The following STAT5B variants were observed in gnomAD, a reference collection of about 807,000 sequenced individuals.
STAT5B encodes the protein signal transducer and activator of transcription 5B, also known as transcription factor STAT5B.
STAT5B carries 21 observed loss-of-function variants against 107.8 expected under a neutral mutation model. The observed-to-expected ratio is 0.19, with a 90% confidence interval of 0.14 to 0.28. The LOEUF is 0.28. STAT5B is among the 10% of genes least tolerant of loss of function. The pLI is 1.00. For synonymous variants in STAT5B, 325 were observed against 401.7 expected (o/e 0.81, Z 2.28); for missense variants, 565 against 1,008.2 (o/e 0.56, Z 5.95).
intron 12 of STAT5B, chr17:42,214,252 T>C (rs2080153392): frequency 1.0e-6 from 1 of 985,152 alleles, no homozygotes; most frequent in African/African-American, 1.7e-5. Flanking sequence ...AATTACATGG[T>C]GCAGGAGATG....
chr17:42,265,752 C>A (rs1207450177), intron 1 of STAT5B, among the ~76,000 whole-genome samples: 1 of 152,140 alleles, frequency 6.6e-6, no homozygotes, highest in African/African-American at 2.4e-5. Flanking sequence ...TGCCAGTTTC[C>A]CACATTCCCA....
the STAT5B span, among the ~76,000 whole-genome samples, chr17:42,285,136 C>A: frequency 1.3e-5 from 2 of 151,022 alleles, no homozygotes; most frequent in East Asian, 3.9e-4. Context: ...GTTGCCCAGG[C>A]TGGAGTGCAG....
Position 42,201,842 on chromosome 17 carries a change from C to T in STAT5B, c.2260G>A (p.Asp754Asn), listed in dbSNP as rs1238042644. ...GTGTCCTCCAGATCGAAGTCCCCAT[C>T]GGTGTCAAGGACTGAGTCAGGGCTT... is the stretch of plus-strand genomic sequence containing the variant. Reference protein sequence around the residue: ...PQNPDSVLDTDGDFDLEDTMD... With the variant: ...PQNPDSVLDTNGDFDLEDTMD... Residue 754 changes from aspartate (D) to asparagine (N), a missense_variant, in exon 19 of 19, where the codon GAT becomes AAT. Coordinates refer to ENST00000293328, the MANE Select transcript of STAT5B (RefSeq NM_012448.4). 7.4e-6 allele frequency: 12 copies of T among 1,613,794 alleles called. No homozygotes were observed. Among genetic ancestry groups the T allele is most frequent in the Middle Eastern group, 1.6e-4 (1 of 6,084 alleles).
chr17:42,216,820 G>A (rs2080175839), intron 11 of STAT5B, among the ~76,000 whole-genome samples: 2 of 151,636 alleles, frequency 1.3e-5, no homozygotes, highest in Admixed American at 1.3e-4. Flanking sequence ...TGGGATTATA[G>A]GCACGTGCCA....
intron 1 of STAT5B, among the ~76,000 whole-genome samples, chr17:42,261,510 T>C (rs2080596593): frequency 6.6e-6 from 1 of 152,188 alleles, no homozygotes; most frequent in South Asian, 2.1e-4. Context: ...AATTTCACTA[T>C]AATAAATTAC....
intron 15 of STAT5B, among the ~76,000 whole-genome samples, chr17:42,208,141 CT>C (rs755512444): frequency 6.6e-6 from 1 of 152,124 alleles, no homozygotes; most frequent in Non-Finnish European, 1.5e-5. Context: ...ATCCACCCAC[CT>C]CAGCCTCCCA....
intron 12 of STAT5B, among the ~76,000 whole-genome samples, 153 bp from the exon 13 acceptor site, chr17:42,212,343 T>C (rs1256223291): frequency 2.6e-5 from 4 of 152,194 alleles, no homozygotes; most frequent in Admixed American, 6.5e-5. Context: ...GGGTACACGG[T>C]TCTGTGAAAT....
intron 1 of STAT5B, among the ~76,000 whole-genome samples, chr17:42,246,022 A>G (rs2080449035): frequency 6.6e-6 from 1 of 152,246 alleles, no homozygotes; most frequent in South Asian, 2.1e-4. Flanking sequence ...TGCAACACGT[A>G]TGCAAGAGGG....
chr17:42,217,548 G>A, intron 9 of STAT5B, 84 bp from the exon 10 acceptor site: 1 of 1,501,586 alleles, frequency 6.7e-7, no homozygotes, highest in African/African-American at 1.4e-5. Context: ...GGGGTAGCAG[G>A]AAATAGAGAA....
intron 2 of STAT5B, among the ~76,000 whole-genome samples, chr17:42,229,073 T>C (rs924630256): frequency 2.0e-5 from 3 of 152,214 alleles, no homozygotes; most frequent in African/African-American, 7.2e-5. Flanking sequence ...ATAGAATACG[T>C]ATTAAATGAA....
intron 1 of STAT5B, among the ~76,000 whole-genome samples, chr17:42,273,937 CAA>C (rs2080742029): frequency 6.6e-6 from 1 of 151,986 alleles, no homozygotes; most frequent in South Asian, 2.1e-4. Context: ...TAAAAACAAT[CAA>C]GAGAGGAAGA....
chr17:42,218,139 C>G lies in STAT5B; in HGVS notation c.1169+12G>C. On this transcript the variant is annotated intron_variant, in intron 9 of 18. Coordinates refer to ENST00000293328, the MANE Select transcript of STAT5B (RefSeq NM_012448.4). ...ACAAGTAGCAGGGAATGAGAGGAAGCTGCACAATTACTTGCGGGTGTTCTC... is the reference window on the plus strand; with the variant it reads ...ACAAGTAGCAGGGAATGAGAGGAAGGTGCACAATTACTTGCGGGTGTTCTC... The G allele has an allele frequency of 6.2e-7, 1 of 1,613,128 alleles. No homozygotes were observed. The highest frequency in any genetic ancestry group is 1.1e-5 in the South Asian group (1 of 90,936).
intron 1 of STAT5B, among the ~76,000 whole-genome samples, chr17:42,236,793 T>C (rs562440430): frequency 6.6e-6 from 1 of 152,294 alleles, no homozygotes; most frequent in Admixed American, 6.5e-5. Flanking sequence ...TATCAGGCTA[T>C]GTCCACATGC....
At chr17:42,278,544 C>T (rs982867489), upstream of STAT5B, among the ~76,000 whole-genome samples, 2 of 151,810 alleles carry the variant, frequency 1.3e-5, no homozygotes, top group Non-Finnish European at 2.9e-5. Context: ...TTTTTGGAGA[C>T]AGTCTCACAG....
At chr17:42,260,931 T>C (rs1035114060) in intron 1 of STAT5B, among the ~76,000 whole-genome samples, 14 of 151,708 alleles carry the variant, frequency 9.2e-5, no homozygotes, top group Non-Finnish European at 8.8e-5. Flanking sequence ...TTTTTTTTTT[T>C]CTTGAGACAG....
At chr17:42,232,681 C>T (rs186355679) in intron 1 of STAT5B, among the ~76,000 whole-genome samples, 1 of 152,246 alleles carries the variant, frequency 6.6e-6, no homozygotes, top group East Asian at 1.9e-4. Flanking sequence ...CTATGAAGCT[C>T]TGACTATGAA....
At chr17:42,247,426 A>G (rs17591972) in intron 1 of STAT5B, among the ~76,000 whole-genome samples, 9,085 of 152,330 alleles carry the variant, frequency 0.06, 387 homozygotes, top group Middle Eastern at 0.099. Flanking sequence ...CAAAATAAAA[A>G]CTGAACTGAA....
chr17:42,218,705 C>T lies in STAT5B; in HGVS notation c.989+18G>A. On this transcript the variant is annotated intron_variant, in intron 8 of 18. Coordinates refer to ENST00000293328, the MANE Select transcript of STAT5B (RefSeq NM_012448.4). ...AGCTGCCCCAAGCTCCTGGGCATGG[C>T]AAACAGGCAGCAGTCACCTGGTCAC... 1 of 1,612,286 alleles carries T rather than the reference C, an allele frequency of 6.2e-7. No individual in the cohort carries two copies. Among genetic ancestry groups the T allele is most frequent in the Non-Finnish European group, 8.5e-7 (1 of 1,179,250 alleles).
At position 42,208,052 on chromosome 17, in the gene STAT5B, A is replaced by C. The variant is rs1043140784; in HGVS notation, c.1907-324T>G. Among the ~76,000 whole-genome samples, 31 of 152,008 alleles carry C rather than the reference A, an allele frequency of 2.0e-4. 1 individual carries two copies. The highest frequency in any genetic ancestry group is 2.1e-4 in the Non-Finnish European group (14 of 67,972). On this transcript the variant is annotated intron_variant, in intron 15 of 18. Transcript: ENST00000293328. ...TGGGATTACAGGCACGCGCCACCAC[A>C]CCTGGCTAATTTTGTATTTTTAGTA... is the stretch of plus-strand genomic sequence containing the variant.
Sources: gnomAD v4.1 joint callset for allele counts (sites outside exome capture counted in the v4.1 genomes callset) on GRCh38, gnomAD v4.1.1 for gene constraint, MANE v1.5 for transcripts, NCBI Gene and HGNC (gene_info 2026-07-23, HGNC 2026-07-21) for gene names.